The following ZNF131 variants were observed in gnomAD, a reference collection of about 807,000 sequenced individuals.
ZNF131 encodes zinc finger protein 131.
A neutral mutation model predicts 60.0 loss-of-function variants in ZNF131; 7 were observed. That is an observed-to-expected ratio of 0.12 (90% CI 0.07 to 0.22). The LOEUF (loss-of-function observed/expected upper bound fraction) is 0.22. Ranked by LOEUF, ZNF131 falls within the 10% of genes least tolerant of loss-of-function variation. The pLI is 1.00. For missense variants in ZNF131, 493 were observed against 740.9 expected (o/e 0.67, Z 3.88); for synonymous variants, 257 against 253.2 (o/e 1.01, Z -0.14).
At position 43,147,484 on chromosome 5, in the gene ZNF131, C is replaced by T. The variant is rs113061751; in HGVS notation, c.371+8175C>T. Among the ~76,000 whole-genome samples, 895 of 151,590 alleles carry T rather than the reference C, an allele frequency of 5.9e-3. 8 individuals carry two copies. Among genetic ancestry groups the T allele is most frequent in the African/African-American group, 0.02 (839 of 41,456 alleles). ...CCAGGCTAGAGTGCAGTGGCGTGAT[C>T]TCGGCTCACTGCGAGCTCCGCCTCC... is the stretch of plus-strand genomic sequence containing the variant. On this transcript the variant is annotated intron_variant, in intron 4 of 6. Coordinates refer to ENST00000682664, the MANE Select transcript of ZNF131 (RefSeq NM_001330707.2).
intron 3 of ZNF131, among the ~76,000 whole-genome samples, chr5:43,131,318 G>A (rs1348193502): frequency 2.0e-5 from 3 of 151,464 alleles, no homozygotes; most frequent in African/African-American, 4.9e-5. Flanking sequence ...GATTACAGGC[G>A]TGCACCACCA....
chr5:43,139,439 T>G, intron 4 of ZNF131, 130 bp downstream of exon 4: 1 of 1,055,840 alleles, frequency 9.5e-7, no homozygotes, highest in African/African-American at 1.7e-5. Context: ...TATTTAAGGA[T>G]CTATTAAAAA....
intron 5 of ZNF131, among the ~76,000 whole-genome samples, chr5:43,169,467 C>T (rs1372412350): frequency 6.6e-6 from 1 of 152,222 alleles, no homozygotes; most frequent in African/African-American, 2.4e-5. Flanking sequence ...CTTGCATTTT[C>T]AGGTAGCCAT....
chr5:43,147,232 T>A (rs1747708543), intron 4 of ZNF131, among the ~76,000 whole-genome samples: 1 of 152,084 alleles, frequency 6.6e-6, no homozygotes, highest in African/African-American at 2.4e-5. Context: ...TTTGCATGTT[T>A]TTTTTTAAGA....
chr5:43,154,409 G>A (rs1398442893), intron 4 of ZNF131, among the ~76,000 whole-genome samples: 3 of 150,544 alleles, frequency 2.0e-5, no homozygotes, highest in East Asian at 3.9e-4. Flanking sequence ...GCGAGACTCC[G>A]TCTCCAAAAA....
At chr5:43,154,400 C>T (rs1482431549) in intron 4 of ZNF131, among the ~76,000 whole-genome samples, 2 of 150,680 alleles carry the variant, frequency 1.3e-5, no homozygotes, top group African/African-American at 2.4e-5. Context: ...GGCTCCAGAG[C>T]GAGACTCCGT....
chr5:43,169,249 G>T (rs1031089298), intron 5 of ZNF131, among the ~76,000 whole-genome samples: 6 of 152,160 alleles, frequency 3.9e-5, no homozygotes, highest in African/African-American at 1.4e-4. Context: ...TGACAAATAA[G>T]AAAATGATGA....
chr5:43,159,652 G>A (rs1050186032), intron 4 of ZNF131, among the ~76,000 whole-genome samples: 12 of 142,726 alleles, frequency 8.4e-5, no homozygotes, highest in African/African-American at 2.9e-4. Flanking sequence ...CCAAGATCGT[G>A]CCACTGCACT....
intron 5 of ZNF131, among the ~76,000 whole-genome samples, chr5:43,168,689 T>G (rs1394277251): frequency 2.0e-5 from 3 of 152,218 alleles, no homozygotes; most frequent in Admixed American, 6.5e-5. Flanking sequence ...TCTAGAGAGA[T>G]GACTGGCAAG....
chr5:43,155,437 A>G (rs1309944860), intron 4 of ZNF131, among the ~76,000 whole-genome samples: 1 of 152,204 alleles, frequency 6.6e-6, no homozygotes, highest in Non-Finnish European at 1.5e-5. Context: ...CCAAAACCCA[A>G]GTAATAACCG....
At chr5:43,168,158 C>T (rs1185064337) in intron 5 of ZNF131, 2 of 257,802 alleles carry the variant, frequency 7.8e-6, no homozygotes, top group Admixed American at 5.3e-5. Flanking sequence ...GGGCAGAGCC[C>T]TCATGATCCT....
At chr5:43,162,619 A>G (rs1408946279) in intron 5 of ZNF131, among the ~76,000 whole-genome samples, 2 of 125,634 alleles carry the variant, frequency 1.6e-5, no homozygotes, top group East Asian at 5.8e-4. Flanking sequence ...AAGAAAAAAA[A>G]GCGGCCAGGC....
chr5:43,175,649 G>A lies in ZNF131; in HGVS notation c.*516G>A. The A allele has an allele frequency of 2.2e-6, 1 of 447,714 alleles. No individual in the cohort carries two copies. Among genetic ancestry groups the A allele is most frequent in the Non-Finnish European group, 3.9e-6 (1 of 254,826 alleles). 27.7% of individuals were successfully genotyped at this position (447,714 alleles called of 1,614,324 possible). The stretch of plus-strand genomic sequence containing the variant: ...TTCTTTAGTTTGAACAAACGTTCTT[G>A]TCTACCCCAGTAGTCACAGATGCCA... On this transcript the variant is annotated 3_prime_UTR_variant, in exon 7 of 7. Transcript: ENST00000682664.
intron 4 of ZNF131, among the ~76,000 whole-genome samples, chr5:43,142,798 C>G (rs1747027840): frequency 6.6e-6 from 1 of 151,322 alleles, no homozygotes; most frequent in Non-Finnish European, 1.5e-5. Flanking sequence ...CTCAAGAGAT[C>G]CTCCCACCTT....
chr5:43,160,114 T>TA (rs1314431105), intron 4 of ZNF131, among the ~76,000 whole-genome samples: 1 of 150,172 alleles, frequency 6.7e-6, no homozygotes, highest in Admixed American at 6.6e-5. Flanking sequence ...AGGCGGAGCT[T>TA]ACAGTGAGCC....
intron 4 of ZNF131, among the ~76,000 whole-genome samples, chr5:43,152,541 C>T (rs936489552): frequency 6.6e-6 from 1 of 152,128 alleles, no homozygotes; most frequent in African/African-American, 2.4e-5. Context: ...ATTGGAGAGA[C>T]CTGCAACTGA....
intron 4 of ZNF131, chr5:43,143,250 T>C: frequency 2.3e-6 from 1 of 436,930 alleles, no homozygotes; most frequent in Non-Finnish European, 3.3e-6. Flanking sequence ...TCTCATCTCT[T>C]TACCTTGTGA....
rs1265039910 is a variant in ZNF131 at position 43,161,611 on chromosome 5, A to G, written c.734A>G (p.Glu245Gly). 1.2e-5 allele frequency: 19 copies of G among 1,614,128 alleles called. No individual in the cohort carries two copies. The highest frequency in any genetic ancestry group is 1.5e-5 in the Non-Finnish European group (18 of 1,180,032). The change falls in exon 5 of 7, where the codon GAA (glutamate) becomes GGA (glycine). Residue 245 changes from glutamate (E) to glycine (G), a missense_variant. Around this residue, in one of 7 missense-constraint regions of ZNF131, gnomAD observed 138 missense variants for 158.7 expected, o/e 0.87. Transcript: ENST00000682664. ...CPSDPTSKQV[E>G]GIEIVELQLS... is the part of the protein sequence containing the mutation. ...TCTGACCCCACGAGCAAACAGGTAGAAGGTATTGAAATTGTGGAACTTCAG... is the reference window on the plus strand; with the variant it reads ...TCTGACCCCACGAGCAAACAGGTAGGAGGTATTGAAATTGTGGAACTTCAG...
rs892471858 is a variant in ZNF131, at chr5:43,173,436, C to T, written c.1173C>T (p.Leu391=). ...GVGAKKGRKK[L]YECQVCNSVF... ...GGGCAAAAAAAGGAAGGAAGAAGCTCTACGAATGCCAGGTATGTGCAGATA... is the reference window on the plus strand; with the variant it reads ...GGGCAAAAAAAGGAAGGAAGAAGCTTTACGAATGCCAGGTATGTGCAGATA... The change falls in exon 6 of 7, where the codon CTC becomes CTT. Residue 391 remains leucine (L), a synonymous_variant. Coordinates refer to ENST00000682664, the MANE Select transcript of ZNF131 (RefSeq NM_001330707.2). The T allele has an allele frequency of 1.7e-5, 28 of 1,613,350 alleles. No individual in the cohort carries two copies. The highest frequency in any genetic ancestry group is 2.2e-5 in the Non-Finnish European group (26 of 1,179,546).
Sources: gnomAD v4.1 joint callset for allele counts (sites outside exome capture counted in the v4.1 genomes callset) on GRCh38, gnomAD v4.1.1 for gene constraint, gnomAD v4.1.1 regional missense constraint, MANE v1.5 for transcripts, NCBI Gene and HGNC (gene_info 2026-07-23, HGNC 2026-07-21) for gene names.